The following TSHZ2 variants were observed in gnomAD, a reference collection of about 807,000 sequenced individuals.
TSHZ2 encodes teashirt homolog 2.
TSHZ2 carries 21 observed loss-of-function variants against 74.4 expected under a neutral mutation model. That is an observed-to-expected ratio of 0.28 (90% confidence interval 0.20 to 0.41). The LOEUF is 0.41. Among genes scored for constraint, TSHZ2 ranks in the 10% least tolerant of loss-of-function variants. TSHZ2 has a pLI of 1.00. For synonymous variants in TSHZ2, 540 were observed against 515.3 expected (o/e 1.05, Z -0.65); for missense variants, 1,244 against 1,293.5 (o/e 0.96, Z 0.59).
At chr20:53,171,589 G>GTGTT (rs1402873810) in intron 1 of TSHZ2, among the ~76,000 whole-genome samples, 1 of 151,670 alleles carries the variant, frequency 6.6e-6, no homozygotes, top group Non-Finnish European at 1.5e-5. Flanking sequence ...ATAAAACAGG[G>GTGTT]TGTTTAATAC....
At chr20:53,289,579 T>G (rs745592304) in intron 2 of TSHZ2, among the ~76,000 whole-genome samples, 11 of 152,240 alleles carry the variant, frequency 7.2e-5, no homozygotes, top group Non-Finnish European at 1.2e-4. Flanking sequence ...TGCTGAGCAT[T>G]TTTCCGTATG....
intron 1 of TSHZ2, among the ~76,000 whole-genome samples, chr20:53,237,500 TGTGA>T (rs779055951): frequency 1.7e-5 from 2 of 115,852 alleles, no homozygotes; most frequent in Non-Finnish European, 3.4e-5. Flanking sequence ...TCTTTCTCTG[TGTGA>T]GTGTGTGTGT....
At chr20:53,026,366 T>C (rs796773544) in intron 1 of TSHZ2, among the ~76,000 whole-genome samples, 48 of 151,718 alleles carry the variant, frequency 3.2e-4, no homozygotes, top group African/African-American at 1.1e-3. Flanking sequence ...TTTTTTTTTT[T>C]CTCTGAGACA....
At chr20:53,056,349 A>G (rs1984639134) in intron 1 of TSHZ2, among the ~76,000 whole-genome samples, 1 of 152,224 alleles carries the variant, frequency 6.6e-6, no homozygotes, top group Non-Finnish European at 1.5e-5. Context: ...ATGCCTAAGT[A>G]CCAGACCCTT....
Position 53,074,349 on chromosome 20 carries a change from A to T in TSHZ2, c.40+101016A>T, listed in dbSNP as rs1197189339. Among the ~76,000 whole-genome samples, 1 of 152,242 alleles carries T rather than the reference A, an allele frequency of 6.6e-6. No homozygotes were observed. Among genetic ancestry groups the T allele is most frequent in the Non-Finnish European group, 1.5e-5 (1 of 68,040 alleles). ...CCTTTCTACTGGATTTTGAGTTTCC[A>T]GAGGGCTAGGACCAGGATTCATGGG... On this transcript the variant is annotated intron_variant, in intron 1 of 2. Transcript: ENST00000371497. This position sits in a 1 kb window ranked among gnomAD's most constrained non-coding sequence, Gnocchi z 5.9.
At chr20:53,186,991 C>G (rs564379815) in intron 1 of TSHZ2, among the ~76,000 whole-genome samples, 1 of 151,974 alleles carries the variant, frequency 6.6e-6, no homozygotes, top group African/African-American at 2.4e-5. Flanking sequence ...TTTCATGGAG[C>G]CTGGTAGTTC....
intron 1 of TSHZ2, among the ~76,000 whole-genome samples, chr20:53,182,210 A>C (rs1309368802): frequency 1.4e-3 from 117 of 83,604 alleles, no homozygotes; most frequent in Middle Eastern, 8.3e-3. Context: ...TCTCTTCCTC[A>C]CTCCCTCCTT....
chr20:53,478,903 A>G (rs913655328), intron 2 of TSHZ2, among the ~76,000 whole-genome samples: 8 of 152,154 alleles, frequency 5.3e-5, no homozygotes, highest in East Asian at 3.9e-4. Context: ...AGTGACTTAC[A>G]CCTATAATCC....
In TSHZ2 at chr20:53,083,324, G is replaced by A. The variant is rs1486157404; in HGVS notation, c.40+109991G>A. On this transcript the variant is annotated intron_variant, in intron 1 of 2. Coordinates refer to ENST00000371497, the MANE Select transcript of TSHZ2 (RefSeq NM_173485.6). ...GGACCCCAAAATGTGACCTTCCTTA[G>A]GGAGGTAAATAAGACATTGCTTGTA... is the stretch of plus-strand genomic sequence containing the variant. Among the ~76,000 whole-genome samples the A allele has an allele frequency of 2.0e-5, 3 of 152,134 alleles. No individual in the cohort carries two copies. The East Asian group carries it at 5.8e-4, about 29-fold the overall frequency.
intron 2 of TSHZ2, among the ~76,000 whole-genome samples, chr20:53,467,764 C>T (rs2145827934): frequency 6.6e-6 from 1 of 152,256 alleles, no homozygotes; most frequent in Non-Finnish European, 1.5e-5. Flanking sequence ...GTTGGGCCAC[C>T]AATTTGACTC....
Position 53,204,860 on chromosome 20 carries a change from T to C in TSHZ2, c.41-48639T>C, listed in dbSNP as rs1274985612. Among the ~76,000 whole-genome samples, 2 of 151,826 alleles carry C rather than the reference T, an allele frequency of 1.3e-5. 1 individual carries two copies. Among genetic ancestry groups the C allele is most frequent in the Admixed American group, 1.3e-4 (2 of 15,216 alleles). On this transcript the variant is annotated intron_variant, in intron 1 of 2. Transcript: ENST00000371497. ...ACTTTGGGAGGCCGAGGCGGGCGGA[T>C]CATGAGGTCAGGAGTTCAAGACTAG...
intron 1 of TSHZ2, among the ~76,000 whole-genome samples, chr20:53,223,958 A>G (rs536264995): frequency 1.9e-4 from 29 of 152,078 alleles, no homozygotes; most frequent in Non-Finnish European, 3.5e-4. Flanking sequence ...AAACTGGTGA[A>G]ACCTGAGTAG....
chr20:53,423,683 CAT>C (rs1983560020), intron 2 of TSHZ2, among the ~76,000 whole-genome samples: 1 of 152,240 alleles, frequency 6.6e-6, no homozygotes, highest in Non-Finnish European at 1.5e-5. Context: ...AGAACTTGCA[CAT>C]GTCACCTCAT....
At chr20:53,330,549 C>T (rs937284235) in intron 2 of TSHZ2, among the ~76,000 whole-genome samples, 1 of 152,200 alleles carries the variant, frequency 6.6e-6, no homozygotes, top group Non-Finnish European at 1.5e-5. Context: ...AGAACTATTT[C>T]CTCTGTACCA....
intron 1 of TSHZ2, among the ~76,000 whole-genome samples, chr20:53,019,821 A>T (rs896376238): frequency 2.6e-5 from 4 of 152,194 alleles, no homozygotes; most frequent in African/African-American, 4.8e-5. Flanking sequence ...GGGCTTGTCC[A>T]GTGGAGAAAG....
intron 1 of TSHZ2, among the ~76,000 whole-genome samples, chr20:53,187,079 G>C (rs1160386486): frequency 5.3e-5 from 8 of 152,104 alleles, no homozygotes; most frequent in Non-Finnish European, 1.0e-4. Flanking sequence ...CAATTTCCTT[G>C]GCCTGGGCCT....
At chr20:53,234,607 G>C (rs1157558734) in intron 1 of TSHZ2, among the ~76,000 whole-genome samples, 1 of 152,156 alleles carries the variant, frequency 6.6e-6, no homozygotes, top group Non-Finnish European at 1.5e-5. Context: ...AGGGTGACTG[G>C]AGTAAAGTGC....
intron 1 of TSHZ2, among the ~76,000 whole-genome samples, chr20:53,121,575 A>G (rs922116900): frequency 1.3e-5 from 2 of 152,222 alleles, no homozygotes; most frequent in Non-Finnish European, 2.9e-5. Flanking sequence ...GTTTTGAGTT[A>G]CTATGTGGGA....
At chr20:53,418,975 T>G (rs1338743776) in intron 2 of TSHZ2, among the ~76,000 whole-genome samples, 2 of 152,154 alleles carry the variant, frequency 1.3e-5, no homozygotes, top group African/African-American at 4.8e-5. Flanking sequence ...TCCTCCAGCC[T>G]CCTCCACTCA....
Sources: allele counts gnomAD v4.1 joint callset (sites outside exome capture counted in the v4.1 genomes callset), GRCh38; gene constraint gnomAD v4.1.1; non-coding constraint Gnocchi (gnomAD v3.1); transcripts MANE v1.5; gene names NCBI Gene and HGNC (gene_info 2026-07-23, HGNC 2026-07-21).